UVSSA: variants seen among roughly 807,000 people sequenced by gnomAD.
UVSSA encodes UV stimulated scaffold protein A.
UVSSA carries 72 observed loss-of-function variants against 73.9 expected under a neutral mutation model. That is an observed-to-expected ratio of 0.97 (90% confidence interval 0.81 to 1.19). The LOEUF is 1.19. Ranked by LOEUF, UVSSA falls within the 50% of genes most tolerant of loss-of-function variation. The probability of loss-of-function intolerance (pLI) is 0.00; values close to 1 mark genes in which losing one functional copy is unlikely to be tolerated. For missense variants in UVSSA, 1,150 were observed against 965.0 expected (o/e 1.19, Z -2.54); for synonymous variants, 454 against 391.3 (o/e 1.16, Z -1.89).
At chr4:1,380,558 A>C in intron 11 of UVSSA, 1 of 1,228,574 alleles carries the variant, frequency 8.1e-7, no homozygotes, top group Admixed American at 2.6e-5. Flanking sequence ...AGGAGAGGCC[A>C]GGGGGCCAGG....
At position 1,360,031 on chromosome 4, in the gene UVSSA, G is replaced by A. The variant is rs78276980; in HGVS notation, c.1176+4786G>A. On this transcript the variant is annotated intron_variant, in intron 7 of 13. Transcript: ENST00000389851. ...ATGAAACGTGGACCCACCAGGCACA[G>A]GCAGGGGAGGAGGGACCTAAATCAG... Among the ~76,000 whole-genome samples, 387 of 152,388 alleles carry A rather than the reference G, an allele frequency of 2.5e-3. 3 individuals are homozygous for A. Among genetic ancestry groups the A allele is most frequent in the African/African-American group, 8.6e-3 (358 of 41,594 alleles).
chr4:1,370,072 C>T (rs1462345922), intron 8 of UVSSA, among the ~76,000 whole-genome samples: 4 of 152,172 alleles, frequency 2.6e-5, no homozygotes, highest in Non-Finnish European at 5.9e-5. Flanking sequence ...TGTTTAGTGC[C>T]CTAAGTATTT....
At chr4:1,394,280 T>C (rs766204993) in exon 14 of UVSSA, 42 of 804,550 alleles carry the variant, frequency 5.2e-5, no homozygotes, top group South Asian at 1.5e-4. Flanking sequence ...TCATGAGTTA[T>C]GTAGTTGAAT....
At chr4:1,366,834 A>G (rs1006980859) in intron 8 of UVSSA, among the ~76,000 whole-genome samples, 1 of 152,182 alleles carries the variant, frequency 6.6e-6, no homozygotes, top group African/African-American at 2.4e-5. Context: ...GCCTGCTGTG[A>G]GGACGCAGCG....
upstream of UVSSA, among the ~76,000 whole-genome samples, chr4:1,343,874 A>G (rs537999003): frequency 2.0e-5 from 3 of 152,338 alleles, no homozygotes; most frequent in East Asian, 3.9e-4. Flanking sequence ...AGAGCATCCT[A>G]TAACAGTTCC....
downstream of UVSSA, chr4:1,391,529 T>TA (rs1482731008): frequency 1.3e-5 from 2 of 152,268 alleles, no homozygotes; most frequent in African/African-American, 4.8e-5. Flanking sequence ...CTTTTATCAT[T>TA]ATGACATGTC....
chr4:1,343,653 G>A (rs1473249625), upstream of UVSSA, among the ~76,000 whole-genome samples: 1 of 152,132 alleles, frequency 6.6e-6, no homozygotes, highest in Non-Finnish European at 1.5e-5. Flanking sequence ...CAGGCGTGGT[G>A]GCACGTGCCT....
At chr4:1,359,013 C>T (rs897749522) in intron 7 of UVSSA, 4 of 152,258 alleles carry the variant, frequency 2.6e-5, no homozygotes, top group African/African-American at 9.6e-5. Context: ...CTGAGGCTCT[C>T]CTCGGGCAGC....
chr4:1,374,947 G>T (rs550078892), intron 8 of UVSSA: 1 of 193,426 alleles, frequency 5.2e-6, no homozygotes, highest in Non-Finnish European at 1.1e-5. Context: ...CTTGGGTGCT[G>T]GGGAGGGCTC....
chr4:1,362,301 G>A (rs1716763821), intron 7 of UVSSA, among the ~76,000 whole-genome samples: 1 of 152,126 alleles, frequency 6.6e-6, no homozygotes, highest in South Asian at 2.1e-4. Context: ...CATGTCGAGG[G>A]GTCTATAGCT....
chr4:1,391,983 A>G (rs761977045), downstream of UVSSA: 7 of 152,086 alleles, frequency 4.6e-5, no homozygotes, highest in East Asian at 5.8e-4. Context: ...TGTTTACTAT[A>G]TTGTCTTTTT....
At chr4:1,375,882 TG>T in intron 9 of UVSSA, 151 bp from the exon 10 acceptor site, 1 of 1,224,460 alleles carries the variant, frequency 8.2e-7, no homozygotes, top group Non-Finnish European at 1.1e-6. Flanking sequence ...ACCTCAGCGG[TG>T]GCCCTGAGGC....
intron 8 of UVSSA, among the ~76,000 whole-genome samples, chr4:1,372,989 C>T (rs944268518): frequency 8.5e-5 from 13 of 152,136 alleles, no homozygotes; most frequent in South Asian, 8.3e-4. Context: ...GTTTTCAAAG[C>T]GGACCTCACC....
rs375280783 is a variant in UVSSA at position 1,353,194 on chromosome 4, C to A, written c.715C>A (p.Arg239=). 6.2e-7 allele frequency: 1 copy of A among 1,612,800 alleles called. No homozygotes were observed. The highest frequency in any genetic ancestry group is 1.7e-5 in the Admixed American group (1 of 60,004). The change falls in exon 5 of 14, where the codon CGG becomes AGG. Residue 239 remains arginine, a synonymous_variant. Transcript: ENST00000389851. ...SSCAGQVGPC[R]SGTPDPRDGE... The stretch of plus-strand genomic sequence containing the variant: ...CTGCGCGGGCCAGGTGGGCCCCTGC[C>A]GGTCTGGCACCCCTGACCCCCGGGA...
downstream of UVSSA, chr4:1,390,429 G>A (rs1346719646): frequency 1.3e-5 from 2 of 152,192 alleles, no homozygotes; most frequent in Non-Finnish European, 2.9e-5. Context: ...ACAGGCATGA[G>A]CCACCAAGCC....
intron 7 of UVSSA, among the ~76,000 whole-genome samples, chr4:1,357,304 C>T (rs888908493): frequency 6.6e-6 from 1 of 152,402 alleles, no homozygotes; most frequent in South Asian, 2.1e-4. Flanking sequence ...GGCCTGGGCC[C>T]CTCCAGCTGG....
chr4:1,377,746 G>A (rs1718950990), intron 10 of UVSSA, among the ~76,000 whole-genome samples: 1 of 152,130 alleles, frequency 6.6e-6, no homozygotes, highest in Non-Finnish European at 1.5e-5. Flanking sequence ...GCCCTGCTGG[G>A]CAGGCCTGGC....
rs749397424 is a variant in UVSSA, at chr4:1,375,494, A to T, written c.1419A>T (p.Pro473=). Residue 473 remains proline, a synonymous_variant, in exon 9 of 14, where the codon CCA becomes CCT. Coordinates refer to ENST00000389851, the MANE Select transcript of UVSSA (RefSeq NM_020894.4). ...GGCAGCTCCGGGACCACTTGCCTCCACCCTCATCTGCCAGGTGACTCCCAG... is the reference window on the plus strand; with the variant it reads ...GGCAGCTCCGGGACCACTTGCCTCCTCCCTCATCTGCCAGGTGACTCCCAG... ...QLRQLRDHLP[P]PSSASPSRAL... is the part of the protein sequence containing the mutation. 2.0e-5 allele frequency: 33 copies of T among 1,610,390 alleles called. No homozygotes were observed. The highest frequency in any genetic ancestry group is 1.0e-5 in the Non-Finnish European group (12 of 1,179,784).
chr4:1,351,681 G>T (rs370888278), intron 3 of UVSSA, 34 bp from the exon 4 acceptor site: 2 of 1,607,840 alleles, frequency 1.2e-6, no homozygotes, highest in South Asian at 2.2e-5. Context: ...GAGCCACCGC[G>T]CCTGTCCCCT....
Sources: allele counts gnomAD v4.1 joint callset (sites outside exome capture counted in the v4.1 genomes callset), GRCh38; gene constraint gnomAD v4.1.1; transcripts MANE v1.5; gene names NCBI Gene and HGNC (gene_info 2026-07-23, HGNC 2026-07-21).